The following LIPA variants were observed in gnomAD, a reference collection of about 807,000 sequenced individuals.
The protein encoded by LIPA is lysosomal acid lipase/cholesteryl ester hydrolase.
In LIPA, 26 loss-of-function variants were observed where a neutral mutation model predicts 40.6. The observed-to-expected ratio is 0.64, with a 90% CI of 0.47 to 0.89. The LOEUF is 0.89. Ranked by LOEUF, LIPA falls within the 40% of genes least tolerant of loss-of-function variation. The pLI is 0.00. For synonymous variants in LIPA, 188 were observed against 168.4 expected (o/e 1.12, Z -0.90); for missense variants, 455 against 479.6 (o/e 0.95, Z 0.48).
intron 1 of LIPA, among the ~76,000 whole-genome samples, chr10:89,260,367 T>C (rs544924636): frequency 1.3e-5 from 2 of 152,340 alleles, no homozygotes; most frequent in East Asian, 1.9e-4. Flanking sequence ...CAAGGATACC[T>C]GGCTCCTGCC....
At chr10:89,395,253 C>G (rs753183576) in intron 2 of LIPA, among the ~76,000 whole-genome samples, 17 of 148,556 alleles carry the variant, frequency 1.1e-4, no homozygotes, top group Non-Finnish European at 2.2e-4. Flanking sequence ...GACCCCTTGG[C>G]AAAATTGCAC....
intron 1 of LIPA, among the ~76,000 whole-genome samples, chr10:89,413,592 C>T (rs953749408): frequency 1.3e-5 from 2 of 151,980 alleles, no homozygotes; most frequent in Non-Finnish European, 2.9e-5. Context: ...CATGGCAAAA[C>T]CCCGCCTCTA....
rs534913145 is a variant in LIPA at position 89,263,232 on chromosome 10, C to A, written c.-1-15583G>T. Among the ~76,000 whole-genome samples, 9 of 152,280 alleles carry A rather than the reference C, an allele frequency of 5.9e-5. No individual in the cohort carries two copies. The East Asian group carries it at 1.7e-3, about 29-fold the overall frequency. On this transcript the variant is annotated intron_variant, in intron 1 of 5. Coordinates refer to the LIPA transcript ENST00000282673. ...GCCATGAATAGATCCTGAATTTCTG[C>A]TGGATGACAACAGGTTTGGTTTTGC...
At chr10:89,235,521 G>A (rs1391117346) in intron 3 of LIPA, among the ~76,000 whole-genome samples, 1 of 152,242 alleles carries the variant, frequency 6.6e-6, no homozygotes, top group Non-Finnish European at 1.5e-5. Flanking sequence ...TGGAAGCCAG[G>A]AGGCGATTAC....
chr10:89,295,228 C>G (rs1387684872), intron 1 of LIPA, among the ~76,000 whole-genome samples: 1 of 152,016 alleles, frequency 6.6e-6, no homozygotes, highest in Non-Finnish European at 1.5e-5. Flanking sequence ...AATTACAGCC[C>G]ATTGTGGGGA....
intron 3 of LIPA, among the ~76,000 whole-genome samples, chr10:89,240,866 G>GCTTGGGTA (rs1842957104): frequency 6.6e-6 from 1 of 152,166 alleles, no homozygotes; most frequent in South Asian, 2.1e-4. Flanking sequence ...GAGGGCTGCA[G>GCTTGGGTA]GAGCATGCTT....
At chr10:89,367,567 G>A (rs1054219501) in intron 2 of LIPA, among the ~76,000 whole-genome samples, 6 of 152,168 alleles carry the variant, frequency 3.9e-5, no homozygotes, top group African/African-American at 1.2e-4. Context: ...AAGTTAGATG[G>A]CATTATTTAC....
At chr10:89,303,850 G>A (rs966861257) in intron 1 of LIPA, among the ~76,000 whole-genome samples, 1 of 152,210 alleles carries the variant, frequency 6.6e-6, no homozygotes, top group African/African-American at 2.4e-5. Flanking sequence ...GAGTCTTCAG[G>A]TGTTAGGATG....
chr10:89,411,188 G>GAAATCTAATCTAATCT (rs1439440288), intron 2 of LIPA, among the ~76,000 whole-genome samples: 2 of 152,084 alleles, frequency 1.3e-5, no homozygotes, highest in Admixed American at 1.3e-4. Flanking sequence ...TCCTAACAGG[G>GAAATCTAATCTAATCT]GATCTAAATC....
At chr10:89,227,305 T>A (rs771231905) in intron 4 of LIPA, among the ~76,000 whole-genome samples, 2 of 152,272 alleles carry the variant, frequency 1.3e-5, no homozygotes, top group Non-Finnish European at 2.9e-5. Flanking sequence ...TAATCCATTT[T>A]TTGCTGCATA....
chr10:89,346,471 T>TA (rs1843922556), upstream of LIPA, among the ~76,000 whole-genome samples: 1 of 152,236 alleles, frequency 6.6e-6, no homozygotes, highest in East Asian at 1.9e-4. Flanking sequence ...TCTGCTCAAC[T>TA]AGAGTTTGAT....
chr10:89,225,166 C>A lies in LIPA; in HGVS notation c.601G>T (p.Gly201Cys), dbSNP rs1403650234. The A allele has an allele frequency of 6.2e-7, 1 of 1,613,996 alleles. No individual in the cohort carries two copies. The highest frequency in any genetic ancestry group is 8.5e-7 in the Non-Finnish European group (1 of 1,179,972). ...AKRIKMFFAL[G>C]PVASVAFCTS... ...CAGAAGGCGACGGAAGCCACAGGAC[C>A]CAGGGCAAAAAACATTTTAATCCTT... Residue 201 changes from glycine to cysteine, a missense_variant, in exon 6 of 10, where the codon GGT becomes TGT. Coordinates refer to ENST00000336233, the MANE Select transcript of LIPA (RefSeq NM_000235.4).
intron 2 of LIPA, among the ~76,000 whole-genome samples, chr10:89,379,749 T>C (rs936554978): frequency 6.6e-6 from 1 of 152,152 alleles, no homozygotes; most frequent in African/African-American, 2.4e-5. Context: ...AAGATGTTAG[T>C]TGTGGCTGGG....
At chr10:89,316,638 G>C (rs1191747177) in intron 1 of LIPA, among the ~76,000 whole-genome samples, 1 of 152,190 alleles carries the variant, frequency 6.6e-6, no homozygotes, top group African/African-American at 2.4e-5. Flanking sequence ...CCACCTCTGG[G>C]GCAGGGTATA....
intron 2 of LIPA, among the ~76,000 whole-genome samples, chr10:89,386,114 G>A (rs1053339830): frequency 2.6e-5 from 4 of 152,126 alleles, no homozygotes; most frequent in African/African-American, 7.2e-5. Flanking sequence ...GTCATAGCAC[G>A]CTGCAGCCTT....
intron 1 of LIPA, among the ~76,000 whole-genome samples, chr10:89,331,471 C>A (rs1006154228): frequency 5.9e-5 from 9 of 152,118 alleles, no homozygotes; most frequent in Admixed American, 4.6e-4. Context: ...CCGTGCCTGG[C>A]CAACATTTTC....
intron 2 of LIPA, among the ~76,000 whole-genome samples, chr10:89,356,746 C>T (rs893322682): frequency 6.6e-6 from 1 of 152,186 alleles, no homozygotes; most frequent in African/African-American, 2.4e-5. Context: ...ATAAAGTGCA[C>T]AATAAATGTA....
chr10:89,318,941 A>C (rs1386434232), intron 1 of LIPA, among the ~76,000 whole-genome samples: 1 of 152,228 alleles, frequency 6.6e-6, no homozygotes, highest in Non-Finnish European at 1.5e-5. Flanking sequence ...ATGGAAACTG[A>C]ACAACGTGCT....
chr10:89,385,046 C>G, intron 2 of LIPA: 1 of 255,954 alleles, frequency 3.9e-6, no homozygotes. Context: ...AACGTGTGTA[C>G]TGACCTTATG....
Sources: gnomAD v4.1 joint callset for allele counts (sites outside exome capture counted in the v4.1 genomes callset) on GRCh38, gnomAD v4.1.1 for gene constraint, MANE v1.5 for transcripts, NCBI Gene and HGNC (gene_info 2026-07-23, HGNC 2026-07-21) for gene names.